ENDOU: variants seen among roughly 807,000 people sequenced by gnomAD.
The protein encoded by ENDOU is endonuclease, poly(U) specific.
A neutral mutation model predicts 54.2 loss-of-function variants in ENDOU; 49 were observed. That is an observed-to-expected ratio of 0.90 (90% CI 0.72 to 1.15). The LOEUF (loss-of-function observed/expected upper bound fraction) is 1.15. Among genes scored for constraint, ENDOU ranks in the 50% most tolerant of loss-of-function variants. The pLI, the probability that ENDOU is intolerant of heterozygous loss-of-function variation, is 0.00. For synonymous variants in ENDOU, 172 were observed against 190.5 expected (o/e 0.90, Z 0.80); for missense variants, 458 against 511.4 (o/e 0.90, Z 1.01).
At chr12:47,724,538 T>C (rs1940528447) in intron 1 of ENDOU, among the ~76,000 whole-genome samples, 1 of 152,096 alleles carries the variant, frequency 6.6e-6, no homozygotes, top group African/African-American at 2.4e-5. Context: ...TTTAATCCTT[T>C]CCACAGTCCT....
chr12:47,716,634 T>C (rs1380274030), intron 5 of ENDOU, 135 bp from the exon 6 acceptor site: 2 of 781,450 alleles, frequency 2.6e-6, no homozygotes, highest in African/African-American at 3.5e-5. Flanking sequence ...CGGGTACTCT[T>C]GAAAGTCACA....
Position 47,712,545 on chromosome 12 carries a change from C to G in ENDOU, c.943G>C (p.Asp315His). ...CCATCGTAGATGTGACTGTAATAGT[C>G]AACCAGACCCTCCTTCTCCTCCAGG... The part of the protein sequence containing the change: ...FYLEEKEGLV[D>H]YYSHIYDGPW... The change falls in exon 8 of 10, where the codon GAC becomes CAC. Residue 315 changes from aspartate (D) to histidine (H), a missense_variant. Asp to His is a moderately conservative substitution (Grantham distance 81). Coordinates refer to ENST00000422538, the MANE Select transcript of ENDOU (RefSeq NM_001172439.2). The G allele has an allele frequency of 6.2e-7, 1 of 1,614,150 alleles. No homozygotes were observed. The highest frequency in any genetic ancestry group is 1.6e-4 in the Middle Eastern group (1 of 6,062).
chr12:47,722,417 C>A (rs745717514), intron 1 of ENDOU, among the ~76,000 whole-genome samples: 2 of 152,158 alleles, frequency 1.3e-5, no homozygotes, highest in East Asian at 1.9e-4. Context: ...GTTTTCGTAT[C>A]TGTAAAAGTG....
intron 6 of ENDOU, among the ~76,000 whole-genome samples, chr12:47,715,513 TAG>T (rs1215749772): frequency 6.6e-6 from 1 of 152,224 alleles, no homozygotes; most frequent in African/African-American, 2.4e-5. Context: ...AACTTCTTCA[TAG>T]AGTCACTCTT....
chr12:47,725,045 A>G (rs1414109537), intron 1 of ENDOU, among the ~76,000 whole-genome samples: 1 of 152,180 alleles, frequency 6.6e-6, no homozygotes, highest in African/African-American at 2.4e-5. Context: ...GGCCCCAGAC[A>G]ACAAAATCTT....
intron 1 of ENDOU, among the ~76,000 whole-genome samples, chr12:47,723,201 G>A (rs985612618): frequency 5.9e-5 from 9 of 152,156 alleles, no homozygotes; most frequent in Non-Finnish European, 1.3e-4. Flanking sequence ...TTTCATCTCT[G>A]CTCAAGAACT....
At chr12:47,719,892 C>T (rs1940378162) in intron 2 of ENDOU, 2 of 152,194 alleles carry the variant, frequency 1.3e-5, no homozygotes, top group Non-Finnish European at 2.9e-5. Flanking sequence ...ACACTTGTTT[C>T]TCTCAGCAGA....
At chr12:47,711,539 C>T in intron 9 of ENDOU, 94 bp downstream of exon 9, 1 of 1,425,560 alleles carries the variant, frequency 7.0e-7, no homozygotes, top group Non-Finnish European at 9.5e-7. Flanking sequence ...CTCTCAGCCT[C>T]TTTGTGGCAG....
At chr12:47,716,232 C>T in intron 6 of ENDOU, 68 bp downstream of exon 6, 2 of 1,528,978 alleles carry the variant, frequency 1.3e-6, no homozygotes, top group Non-Finnish European at 1.8e-6. Flanking sequence ...CTAACCTTCC[C>T]CTCCCCCGCC....
intron 3 of ENDOU, chr12:47,717,861 T>C (rs1424838431): frequency 1.6e-6 from 1 of 611,874 alleles, no homozygotes; most frequent in Non-Finnish European, 2.8e-6. Context: ...GCCTGCTGTT[T>C]TTCTAATCTT....
At chr12:47,715,963 G>A (rs757432403) in intron 6 of ENDOU, among the ~76,000 whole-genome samples, 16 of 152,140 alleles carry the variant, frequency 1.1e-4, no homozygotes, top group Non-Finnish European at 2.1e-4. Context: ...TGGCTGAGAC[G>A]TGCTCTGGGT....
In ENDOU at chr12:47,716,950, T is replaced by C. The variant is rs1014071541; in HGVS notation, c.491A>G (p.Asn164Ser). Residue 164 changes from asparagine to serine, a missense_variant, in exon 5 of 10, where the codon AAT (asparagine) becomes AGT (serine). Coordinates refer to ENST00000422538, the MANE Select transcript of ENDOU (RefSeq NM_001172439.2). ...TGACGGGGAGATGCAGTTTTGGCTATTGAGAACGATGTCTTCCTTCTGGGC... is the reference window on the plus strand; with the variant it reads ...TGACGGGGAGATGCAGTTTTGGCTACTGAGAACGATGTCTTCCTTCTGGGC... Reference protein sequence around the residue: ...NKAQKEDIVLNSQNCISPSET... With the variant: ...NKAQKEDIVLSSQNCISPSET... The C allele has an allele frequency of 5.0e-6, 8 of 1,614,178 alleles. No homozygotes were observed. Among genetic ancestry groups the C allele is most frequent in the Non-Finnish European group, 5.9e-6 (7 of 1,180,022 alleles).
chr12:47,716,920 G>T lies in ENDOU; in HGVS notation c.521C>A (p.Thr174Asn). ...TGGGCAGCGATCCACTTGGTTTCTG[G>T]TCTCTGACGGGGAGATGCAGTTTTG... ...NSQNCISPSE[T>N]RNQVDRCPKP... The change falls in exon 5 of 10, where the codon ACC (threonine) becomes AAC (asparagine). Residue 174 changes from threonine to asparagine, a missense_variant. Transcript: ENST00000422538. The T allele has an allele frequency of 6.2e-7, 1 of 1,614,184 alleles. No individual in the cohort carries two copies. Among genetic ancestry groups the T allele is most frequent in the Non-Finnish European group, 8.5e-7 (1 of 1,180,032 alleles).
rs888173163 is a variant in ENDOU at position 47,712,800 on chromosome 12, C to T, written c.866-178G>A. ...AGTCCTATCTCTCACCTCAGGAAGG[C>T]CCCCCTTCTGGCTCAAGCCCTTGGG... is the stretch of plus-strand genomic sequence containing the variant. On this transcript the variant is annotated intron_variant, in intron 7 of 9. Coordinates refer to ENST00000422538, the MANE Select transcript of ENDOU (RefSeq NM_001172439.2). Among the ~76,000 whole-genome samples, 17 of 152,146 alleles carry T rather than the reference C, an allele frequency of 1.1e-4. 1 individual carries two copies. The highest frequency in any genetic ancestry group is 3.9e-4 in the Admixed American group (6 of 15,280).
At chr12:47,717,473 A>C (rs1218772184) in intron 4 of ENDOU, 45 bp downstream of exon 4, 2 of 1,601,412 alleles carry the variant, frequency 1.2e-6, no homozygotes, top group South Asian at 2.2e-5. Flanking sequence ...CCTGCTCTAA[A>C]GTCCTTCTGT....
intron 9 of ENDOU, among the ~76,000 whole-genome samples, 158 bp downstream of exon 9, chr12:47,711,475 A>C (rs532186501): frequency 2.0e-5 from 3 of 152,318 alleles, no homozygotes; most frequent in South Asian, 4.1e-4. Context: ...CAATCCAAAA[A>C]CTTAATTGTT....
chr12:47,721,847 G>A (rs1428601671), intron 1 of ENDOU, among the ~76,000 whole-genome samples: 2 of 152,182 alleles, frequency 1.3e-5, no homozygotes, highest in Non-Finnish European at 2.9e-5. Flanking sequence ...CACGAACGCT[G>A]GGTTCAGAGG....
intron 7 of ENDOU, 143 bp downstream of exon 7, chr12:47,713,132 T>A: frequency 3.4e-6 from 2 of 596,540 alleles, no homozygotes; most frequent in Non-Finnish European, 3.0e-6. Context: ...CCCCCTGCCA[T>A]ATGGGCAGGG....
chr12:47,718,048 C>T, intron 3 of ENDOU, 81 bp downstream of exon 3: 1 of 1,257,450 alleles, frequency 8.0e-7, no homozygotes, highest in Non-Finnish European at 1.1e-6. Context: ...CCTGGTGCCA[C>T]TGCCATGGCC....
Sources: allele counts gnomAD v4.1 joint callset (sites outside exome capture counted in the v4.1 genomes callset), GRCh38; gene constraint gnomAD v4.1.1; transcripts MANE v1.5; gene names NCBI Gene and HGNC (gene_info 2026-07-23, HGNC 2026-07-21).